The following SMS variants were observed in gnomAD, a reference collection of about 807,000 sequenced individuals.
The protein encoded by SMS is spermine synthase, also known as spermidine aminopropyltransferase.
A neutral mutation model predicts 33.0 loss-of-function variants in SMS; 3 were observed. The observed-to-expected ratio is 0.09, with a 90% confidence interval of 0.04 to 0.23. The LOEUF (loss-of-function observed/expected upper bound fraction) is 0.23, where lower values mean the gene tolerates loss of function less well. Ranked by LOEUF, SMS falls within the 10% of genes least tolerant of loss-of-function variation. The pLI is 1.00. For synonymous variants in SMS, 103 were observed against 112.2 expected, an observed-to-expected ratio of 0.92 and a Z score of 0.52; for missense variants, 117 against 288.6, an observed-to-expected ratio of 0.41 and a Z score of 4.31.
At chrX:21,972,192 G>A (rs1425568381) in intron 3 of SMS, among the ~76,000 whole-genome samples, 1 of 112,326 alleles carries the variant, frequency 8.9e-6, no homozygotes. Context: ...AACTGCCTTA[G>A]TATGAGTAAT....
Position 21,979,846 on chromosome X carries a change from C to A in SMS, c.750+880C>A, listed in dbSNP as rs184965204. On this transcript the variant is annotated intron_variant, in intron 7 of 10. Transcript: ENST00000404933. ...CAGTATAAAAGTGTTCCTATTTCTC[C>A]TCATCCTCTCCAGCATCTGTTGCTT... Among the ~76,000 whole-genome samples, 739 of 108,243 alleles carry A rather than the reference C, an allele frequency of 6.8e-3. 4 individuals are homozygous for A. Among genetic ancestry groups the A allele is most frequent in the South Asian group, 0.011 (26 of 2,476 alleles). 94.0% of individuals were successfully genotyped at this position (108,243 alleles called of 115,157 possible). A position where few individuals can be genotyped will look rare whatever the true frequency, so the allele number is the denominator to read the frequency against.
chrX:21,975,227 T>TA (rs1293235540), intron 4 of SMS, among the ~76,000 whole-genome samples: 1 of 111,179 alleles, frequency 9.0e-6, no homozygotes, highest in Non-Finnish European at 1.9e-5. Context: ...GGTAGCCCGT[T>TA]ATAGGGCTAC....
intron 7 of SMS, among the ~76,000 whole-genome samples, chrX:21,983,241 T>C (rs1369551145): frequency 9.1e-6 from 1 of 110,298 alleles, no homozygotes; most frequent in Admixed American, 9.8e-5. Flanking sequence ...GCTTTCACCA[T>C]GTCGCCCAGG....
chrX:21,956,207 TTG>T (rs758400943), intron 1 of SMS, among the ~76,000 whole-genome samples: 1 of 112,541 alleles, frequency 8.9e-6, no homozygotes, highest in African/African-American at 3.2e-5. Context: ...TGTGTTGGTG[TTG>T]TGTTTTTCTT....
Position 21,958,886 on chromosome X carries a change from C to T in SMS, c.50-8310C>T, listed in dbSNP as rs752471608. Among the ~76,000 whole-genome samples the T allele has an allele frequency of 1.3e-4, 15 of 112,986 alleles. No individual in the cohort carries two copies. In the South Asian group the frequency reaches 5.1e-3, roughly 38 times the overall value. ...ACATAACAAATAGAATCACTTATTT[C>T]ACTTAGCATAGTGTTTTTAAGGTCC... On this transcript the variant is annotated intron_variant, in intron 1 of 10. Transcript: ENST00000404933.
chrX:21,967,055 T>TA lies in SMS; in HGVS notation c.50-141_50-140insA, dbSNP rs1923773408. On this transcript the variant is annotated intron_variant, in intron 1 of 10. Coordinates refer to ENST00000404933, the MANE Select transcript of SMS (RefSeq NM_004595.5). The stretch of plus-strand genomic sequence containing the variant: ...TGACAACTTTGTTCAGGTTTTTTAA[T>TA]TTTTATTTATTTATTTATTTATTTA... 2.8e-5 allele frequency: 10 copies of TA among 351,401 alleles called. No individual in the cohort carries two copies. In the South Asian group the frequency reaches 7.4e-4, roughly 26 times the overall value. 29.0% of individuals were successfully genotyped at this position (351,401 alleles called of 1,213,427 possible).
intron 1 of SMS, among the ~76,000 whole-genome samples, chrX:21,941,532 G>T (rs1183775464): frequency 2.7e-5 from 3 of 110,520 alleles, no homozygotes; most frequent in African/African-American, 6.6e-5. Flanking sequence ...ATTATTATTG[G>T]GGGTGGGGAG....
At chrX:21,979,219 G>A (rs192882680) in intron 7 of SMS, among the ~76,000 whole-genome samples, 12 of 108,988 alleles carry the variant, frequency 1.1e-4, no homozygotes, top group East Asian at 5.7e-4. Context: ...TCAGTTCTAC[G>A]GTACATGTGC....
chrX:21,992,124 A>T (rs925841677), intron 9 of SMS, among the ~76,000 whole-genome samples: 2 of 112,425 alleles, frequency 1.8e-5, no homozygotes, highest in Admixed American at 1.9e-4. Flanking sequence ...AGATTCTAGG[A>T]AAAAAATGGG....
Position 21,972,494 on chromosome X carries a change from C to CT in SMS, c.265-9dup. On this transcript the variant is annotated splice_polypyrimidine_tract_variant and intron_variant, in intron 3 of 10. Transcript: ENST00000404933. ...TTATTCTACAAGCCCATTGATTTTTCTTTTAATTGTAGATTTTGAACAAAG... is the reference window on the plus strand; with the variant it reads ...TTATTCTACAAGCCCATTGATTTTTCTTTTTAATTGTAGATTTTGAACAAAG... The CT allele has an allele frequency of 8.8e-7, 1 of 1,130,808 alleles. No homozygotes were observed. The highest frequency in any genetic ancestry group is 1.2e-6 in the Non-Finnish European group (1 of 822,266). The allele number at this position is 1,130,808 out of a possible 1,213,427, so 93.2% of individuals were successfully genotyped here.
At chrX:21,986,318 A>G (rs1925323629) in intron 9 of SMS, among the ~76,000 whole-genome samples, 1 of 86,001 alleles carries the variant, frequency 1.2e-5, no homozygotes, top group Non-Finnish European at 2.2e-5. Flanking sequence ...ACTGTACTCC[A>G]GCCTGGGCCA....
rs1339633214 is a variant in SMS at position 21,967,874 on chromosome X, G to A, written c.170+558G>A. On this transcript the variant is annotated intron_variant, in intron 2 of 10. Transcript: ENST00000404933. Reference sequence around the variant, plus strand: ...GCAAGCGGTAGGTCAACTCCCTGGAGTAAAAAGTTTATGGTAGAACTCAGC... The same window carrying A: ...GCAAGCGGTAGGTCAACTCCCTGGAATAAAAAGTTTATGGTAGAACTCAGC... Among the ~76,000 whole-genome samples, 3 of 112,420 alleles carry A rather than the reference G, an allele frequency of 2.7e-5. No individual in the cohort carries two copies. The East Asian group carries it at 8.4e-4, about 32-fold the overall frequency.
intron 1 of SMS, among the ~76,000 whole-genome samples, chrX:21,957,778 T>C (rs746109197): frequency 8.9e-6 from 1 of 111,937 alleles, no homozygotes; most frequent in South Asian, 3.7e-4. Flanking sequence ...ACATCTATTA[T>C]TTCTTTGACT....
chrX:21,986,516 T>G (rs901746282), intron 9 of SMS, among the ~76,000 whole-genome samples: 2 of 111,674 alleles, frequency 1.8e-5, no homozygotes, highest in African/African-American at 6.5e-5. Context: ...TGATTCAGGC[T>G]CCAGCCTATC....
intron 1 of SMS, among the ~76,000 whole-genome samples, chrX:21,953,890 AT>A (rs10599284): frequency 0.061 from 5,465 of 90,045 alleles, 259 homozygotes; most frequent in African/African-American, 0.14. Flanking sequence ...AATTTTATTG[AT>A]TTTTTTTTTT....
chrX:21,958,393 C>T (rs139475192), intron 1 of SMS, among the ~76,000 whole-genome samples: 5 of 112,112 alleles, frequency 4.5e-5, no homozygotes, highest in African/African-American at 1.3e-4. Flanking sequence ...GCAACCTTGC[C>T]GTAAGTGGGA....
chrX:21,954,144 T>G (rs766247335), intron 1 of SMS, among the ~76,000 whole-genome samples: 1 of 112,282 alleles, frequency 8.9e-6, no homozygotes, highest in Non-Finnish European at 1.9e-5. Flanking sequence ...AATTGCTAAC[T>G]TGAATATAGG....
At chrX:21,948,516 C>T (rs1051983547) in intron 1 of SMS, among the ~76,000 whole-genome samples, 4 of 103,363 alleles carry the variant, frequency 3.9e-5, no homozygotes, top group Non-Finnish European at 5.8e-5. Context: ...TTCTCATCCC[C>T]TTAGTATGTA....
At chrX:21,946,912 G>A (rs974862353) in intron 1 of SMS, among the ~76,000 whole-genome samples, 1 of 111,308 alleles carries the variant, frequency 9.0e-6, no homozygotes, top group Non-Finnish European at 1.9e-5. Flanking sequence ...AGGAGGATGG[G>A]CCCTGTCTTT....
Sources: gnomAD v4.1 joint callset for allele counts (sites outside exome capture counted in the v4.1 genomes callset) on GRCh38, gnomAD v4.1.1 for gene constraint, MANE v1.5 for transcripts, NCBI Gene and HGNC (gene_info 2026-07-23, HGNC 2026-07-21) for gene names.